Variants in CACNA2D3 observed in about 807,000 individuals in gnomAD.
CACNA2D3 encodes the protein calcium voltage-gated channel auxiliary subunit alpha2delta 3.
A neutral mutation model predicts 160.6 loss-of-function variants in CACNA2D3; 60 were observed. The ratio of observed to expected loss-of-function variants is 0.37; its 90% CI spans 0.30 to 0.46. CACNA2D3 has a LOEUF of 0.46. CACNA2D3 is among the 20% of genes least tolerant of loss of function. CACNA2D3 has a pLI of 1.00. For synonymous variants in CACNA2D3, 558 were observed against 492.9 expected, an observed-to-expected ratio of 1.13 and a Z score of -1.75; for missense variants, 1,205 against 1,365.0, an observed-to-expected ratio of 0.88 and a Z score of 1.85.
At chr3:54,680,694 C>T (rs1207803434) in intron 11 of CACNA2D3, among the ~76,000 whole-genome samples, 2 of 152,206 alleles carry the variant, frequency 1.3e-5, no homozygotes, top group South Asian at 2.1e-4. Flanking sequence ...GCTGTCCTCC[C>T]TGAGTGCTCT....
At chr3:54,298,524 C>T (rs1270037362) in intron 2 of CACNA2D3, among the ~76,000 whole-genome samples, 5 of 152,184 alleles carry the variant, frequency 3.3e-5, no homozygotes, top group African/African-American at 1.2e-4. Context: ...GTAGGCCGGG[C>T]GCAGTGGCTC....
intron 4 of CACNA2D3, among the ~76,000 whole-genome samples, chr3:54,423,126 A>C (rs1699863138): frequency 6.6e-6 from 1 of 152,210 alleles, no homozygotes; most frequent in African/African-American, 2.4e-5. Context: ...ATTTTGCATG[A>C]ATAGCTAAAT....
intron 27 of CACNA2D3, among the ~76,000 whole-genome samples, chr3:54,917,362 G>A (rs896880722): frequency 3.3e-5 from 5 of 152,160 alleles, no homozygotes; most frequent in African/African-American, 1.2e-4. Flanking sequence ...ATAACATTGA[G>A]GATAGCTGCC....
intron 2 of CACNA2D3, among the ~76,000 whole-genome samples, chr3:54,215,242 A>G (rs1701439814): frequency 1.3e-5 from 2 of 152,220 alleles, no homozygotes; most frequent in African/African-American, 4.8e-5. Context: ...ATGGTACACA[A>G]TGTGATGTTT....
At chr3:54,861,174 G>A (rs553200797) in intron 17 of CACNA2D3, among the ~76,000 whole-genome samples, 6 of 152,204 alleles carry the variant, frequency 3.9e-5, no homozygotes, top group Non-Finnish European at 7.4e-5. Flanking sequence ...TGGGGAGATA[G>A]GGCCATGGGA....
intron 5 of CACNA2D3, among the ~76,000 whole-genome samples, chr3:54,547,737 T>C (rs1478512773): frequency 1.4e-5 from 2 of 145,428 alleles, no homozygotes; most frequent in Non-Finnish European, 3.0e-5. Context: ...CAGACTGAAG[T>C]GTAGTGGCAC....
intron 5 of CACNA2D3, among the ~76,000 whole-genome samples, chr3:54,525,394 A>G (rs1701709617): frequency 6.6e-6 from 1 of 152,160 alleles, no homozygotes; most frequent in African/African-American, 2.4e-5. Context: ...TTTCATAGTT[A>G]CATATTCACC....
intron 35 of CACNA2D3, among the ~76,000 whole-genome samples, chr3:55,048,038 A>G (rs1218398246): frequency 2.0e-5 from 3 of 147,460 alleles, no homozygotes; most frequent in African/African-American, 5.1e-5. Flanking sequence ...CAATCATGTC[A>G]TCTGCTAACA....
At chr3:54,490,932 C>T (rs371679125) in intron 4 of CACNA2D3, among the ~76,000 whole-genome samples, 15 of 152,128 alleles carry the variant, frequency 9.9e-5, no homozygotes, top group South Asian at 2.1e-4. Context: ...TGCTGGATGC[C>T]GTGATAGGAG....
intron 14 of CACNA2D3, among the ~76,000 whole-genome samples, chr3:54,817,121 C>G (rs1286596766): frequency 6.6e-6 from 1 of 152,184 alleles, no homozygotes; most frequent in East Asian, 1.9e-4. Context: ...CCAACTGTTT[C>G]TCTAAGAATT....
At chr3:55,049,960 A>G (rs1293260239) in intron 35 of CACNA2D3, among the ~76,000 whole-genome samples, 1 of 150,360 alleles carries the variant, frequency 6.7e-6, no homozygotes, top group East Asian at 1.9e-4. Context: ...GGCTTGTTAG[A>G]TCTTCGTCCA....
At chr3:54,327,505 T>G (rs143925929) in intron 3 of CACNA2D3, among the ~76,000 whole-genome samples, 52 of 152,336 alleles carry the variant, frequency 3.4e-4, no homozygotes, top group Non-Finnish European at 6.6e-4. Flanking sequence ...TCATGGTTAT[T>G]TATCTCTTTC....
intron 3 of CACNA2D3, among the ~76,000 whole-genome samples, chr3:54,374,678 G>A (rs1435968145): frequency 6.6e-6 from 1 of 152,154 alleles, no homozygotes; most frequent in Non-Finnish European, 1.5e-5. Context: ...TAGTGAGTAA[G>A]GGCACCAAGC....
intron 4 of CACNA2D3, among the ~76,000 whole-genome samples, chr3:54,494,376 A>C (rs1188091824): frequency 6.6e-6 from 1 of 152,194 alleles, no homozygotes; most frequent in African/African-American, 2.4e-5. Context: ...TCCCTGGTAA[A>C]TGATGAGCGC....
chr3:54,294,075 A>T (rs1703274068), intron 2 of CACNA2D3, among the ~76,000 whole-genome samples: 1 of 152,230 alleles, frequency 6.6e-6, no homozygotes, highest in African/African-American at 2.4e-5. Context: ...ATTTGGAAGC[A>T]GTATGAAATG....
intron 4 of CACNA2D3, among the ~76,000 whole-genome samples, chr3:54,426,650 T>A (rs1224794904): frequency 2.0e-5 from 3 of 152,206 alleles, no homozygotes; most frequent in African/African-American, 4.8e-5. Context: ...ACAAGTGAAA[T>A]CAGTTGAGCA....
At chr3:54,971,677 C>T (rs542295994) in intron 29 of CACNA2D3, among the ~76,000 whole-genome samples, 42 of 152,304 alleles carry the variant, frequency 2.8e-4, no homozygotes, top group Admixed American at 2.0e-3. Flanking sequence ...TATATAAAAA[C>T]AAGTGGAAAT....
At chr3:54,682,066 T>C (rs567288475) in intron 11 of CACNA2D3, among the ~76,000 whole-genome samples, 2 of 151,990 alleles carry the variant, frequency 1.3e-5, no homozygotes, top group African/African-American at 4.8e-5. Context: ...GGGGGGGATT[T>C]GGAATTTGAA....
At chr3:54,850,580 C>A (rs1213709000) in intron 17 of CACNA2D3, among the ~76,000 whole-genome samples, 2 of 152,080 alleles carry the variant, frequency 1.3e-5, no homozygotes, top group African/African-American at 4.8e-5. Context: ...TCCATCTGTC[C>A]CTACCTTTTA....
Sources: gnomAD v4.1 joint callset for allele counts (sites outside exome capture counted in the v4.1 genomes callset) on GRCh38, gnomAD v4.1.1 for gene constraint, MANE v1.5 for transcripts, NCBI Gene and HGNC (gene_info 2026-07-23, HGNC 2026-07-21) for gene names.